NPAT: variants seen among roughly 807,000 people sequenced by gnomAD.
The protein encoded by NPAT is protein NPAT.
NPAT carries 52 observed loss-of-function variants against 130.7 expected under a neutral mutation model. The observed-to-expected ratio is 0.40, with a 90% CI of 0.32 to 0.50. The LOEUF is 0.50. Ranked by LOEUF, NPAT falls within the 20% of genes least tolerant of loss-of-function variation. The pLI is 0.68. For missense variants in NPAT, 1,687 were observed against 1,662.6 expected, an observed-to-expected ratio of 1.01 and a Z score of -0.26; for synonymous variants, 580 against 584.8, an observed-to-expected ratio of 0.99 and a Z score of 0.12.
chr11:108,222,597 G>C lies in NPAT; in HGVS notation c.-61C>G, dbSNP rs960127392. 100 of 1,578,280 alleles carry C rather than the reference G, an allele frequency of 6.3e-5. No homozygotes were observed. The highest frequency in any genetic ancestry group is 8.3e-5 in the Non-Finnish European group (95 of 1,150,918). On this transcript the variant is annotated 5_prime_UTR_variant, in exon 1 of 18. Coordinates refer to ENST00000278612, the MANE Select transcript of NPAT (RefSeq NM_002519.3). Reference sequence around the variant, plus strand: ...AGACTCAGGTTAAAGCAAACACAGCGACAGCTCCTGCGCCGCATCTCCTGG... The same window carrying C: ...AGACTCAGGTTAAAGCAAACACAGCCACAGCTCCTGCGCCGCATCTCCTGG...
chr11:108,173,501 G>C lies in NPAT; in HGVS notation c.1483C>G (p.Pro495Ala). Residue 495 changes from proline (P) to alanine (A), a missense_variant, in exon 13 of 18, where the codon CCG (proline) becomes GCG (alanine). Physicochemically the swap from Pro to Ala is conservative, Grantham distance 27. Around this residue, in one of 3 missense-constraint regions of NPAT, gnomAD observed 1,379 missense variants for 1,346.6 expected, o/e 1.02. Transcript: ENST00000278612. ...TCAGGCTGTAACTGAGATTCACTCG[G>C]TACATTTGAAGACAAAGAGTTCTTT... The part of the protein sequence containing the change: ...IEKNSLSSNV[P>A]SESQLQPDQP... The C allele has an allele frequency of 6.2e-7, 1 of 1,614,096 alleles. No homozygotes were observed. The highest frequency in any genetic ancestry group is 1.1e-5 in the South Asian group (1 of 91,082).
Position 108,159,108 on chromosome 11 carries a change from T to G in NPAT, c.4207-89A>C, listed in dbSNP as rs1478702321. ...ACCTAAAACAGTATATTGGGTTCTTTCACATACTACTAAAATTGTCAAACT... is the reference window on the plus strand; with the variant it reads ...ACCTAAAACAGTATATTGGGTTCTTGCACATACTACTAAAATTGTCAAACT... On this transcript the variant is annotated intron_variant, in intron 17 of 17. Coordinates refer to ENST00000278612, the MANE Select transcript of NPAT (RefSeq NM_002519.3). 5 of 768,274 alleles carry G rather than the reference T, an allele frequency of 6.5e-6. No homozygotes were observed. In the African/African-American group the frequency reaches 6.9e-5, roughly 11 times the overall value. 47.6% of individuals were successfully genotyped at this position (768,274 alleles called of 1,614,324 possible). A position where few individuals can be genotyped will look rare whatever the true frequency, so the allele number is the denominator to read the frequency against.
At chr11:108,191,364 T>A (rs539833898) in intron 4 of NPAT, among the ~76,000 whole-genome samples, 1 of 152,312 alleles carries the variant, frequency 6.6e-6, no homozygotes, top group South Asian at 2.1e-4. Context: ...TCTTTTAGTA[T>A]GAATTAGAGT....
intron 10 of NPAT, among the ~76,000 whole-genome samples, chr11:108,184,582 G>A (rs528120573): frequency 6.6e-6 from 1 of 151,928 alleles, no homozygotes; most frequent in African/African-American, 2.4e-5. Flanking sequence ...CCAGGCTGGA[G>A]AGCAGTGGTG....
rs982108886 is a variant in NPAT, at chr11:108,176,905, C to T, written c.1003+89G>A. 8.5e-5 allele frequency: 68 copies of T among 804,178 alleles called. No homozygotes were observed. In the Middle Eastern group the frequency reaches 2.0e-3, roughly 23 times the overall value. The allele number at this position is 804,178 out of a possible 1,614,324, so 49.8% of individuals were successfully genotyped here. On this transcript the variant is annotated intron_variant, in intron 11 of 17. Coordinates refer to ENST00000278612, the MANE Select transcript of NPAT (RefSeq NM_002519.3). Reference sequence around the variant, plus strand: ...ATGAAAACAAGAACTTTTTTAGATACTCTGGGGAATGTTGATTCACTCTGG... The same window carrying T: ...ATGAAAACAAGAACTTTTTTAGATATTCTGGGGAATGTTGATTCACTCTGG...
chr11:108,210,431 T>G (rs1415842750), intron 1 of NPAT, among the ~76,000 whole-genome samples: 1 of 152,174 alleles, frequency 6.6e-6, no homozygotes, highest in Non-Finnish European at 1.5e-5. Context: ...CTTTCTCTCT[T>G]GCTCTCACTC....
intron 15 of NPAT, among the ~76,000 whole-genome samples, chr11:108,164,406 T>C (rs1381195344): frequency 6.6e-6 from 1 of 152,176 alleles, no homozygotes; most frequent in African/African-American, 2.4e-5. Context: ...AGCTAGTGGC[T>C]ATGTAGAAGA....
chr11:108,165,095 T>C (rs2077888776), intron 15 of NPAT, among the ~76,000 whole-genome samples: 1 of 152,034 alleles, frequency 6.6e-6, no homozygotes, highest in Admixed American at 6.6e-5. Context: ...CATGGGCATT[T>C]TGTCATTCAC....
At chr11:108,164,060 A>C (rs1424700022) in intron 15 of NPAT, among the ~76,000 whole-genome samples, 1 of 152,230 alleles carries the variant, frequency 6.6e-6, no homozygotes, top group Non-Finnish European at 1.5e-5. Context: ...TTAAGAAAGA[A>C]GGATGATTTT....
chr11:108,158,977 C>G lies in NPAT; in HGVS notation c.4249G>C (p.Asp1417His). The part of the protein sequence containing the change: ...PSSFPAGMDV[D>H]KFLLSLHYDE Reference sequence around the variant, plus strand: ...TAATGCAATGATAACAAAAATTTGTCTACATCCATTCCTGCTGGAAATGAA... The same window carrying G: ...TAATGCAATGATAACAAAAATTTGTGTACATCCATTCCTGCTGGAAATGAA... Residue 1417 changes from aspartate to histidine, a missense_variant, in exon 18 of 18, where the codon GAC becomes CAC. This residue lies in a region of NPAT where 1,379 missense variants were observed against 1,346.6 expected (regional missense o/e 1.02). Transcript: ENST00000278612. 1 of 1,608,562 alleles carries G rather than the reference C, an allele frequency of 6.2e-7. No individual in the cohort carries two copies. The highest frequency in any genetic ancestry group is 8.5e-7 in the Non-Finnish European group (1 of 1,177,430).
intron 7 of NPAT, 56 bp downstream of exon 7, chr11:108,188,042 C>CTTTTT: frequency 9.5e-7 from 1 of 1,050,086 alleles, no homozygotes; most frequent in South Asian, 1.3e-5. Flanking sequence ...TGATGTAATT[C>CTTTTT]TTTTTTTTTT....
At chr11:108,212,191 T>A (rs953642935) in intron 1 of NPAT, among the ~76,000 whole-genome samples, 2 of 151,972 alleles carry the variant, frequency 1.3e-5, no homozygotes, top group East Asian at 3.9e-4. Context: ...CAACATTGCA[T>A]GTATCCTCTA....
chr11:108,211,133 T>C (rs2078379775), intron 1 of NPAT, among the ~76,000 whole-genome samples: 1 of 152,006 alleles, frequency 6.6e-6, no homozygotes, highest in African/African-American at 2.4e-5. Flanking sequence ...ACAGAATCGC[T>C]TGAACCAGGG....
intron 6 of NPAT, among the ~76,000 whole-genome samples, chr11:108,188,580 C>T (rs763260947): frequency 1.3e-5 from 2 of 152,120 alleles, no homozygotes; most frequent in Non-Finnish European, 2.9e-5. Flanking sequence ...ATTCTAATCC[C>T]AACTCTGTTA....
At position 108,222,633 on chromosome 11, in the gene NPAT, G is replaced by A. The variant is rs865795034; in HGVS notation, c.-97C>T. 1.9e-5 allele frequency: 26 copies of A among 1,346,270 alleles called. No homozygotes were observed. Among genetic ancestry groups the A allele is most frequent in the Non-Finnish European group, 2.7e-5 (26 of 951,866 alleles). 83.4% of individuals were successfully genotyped at this position (1,346,270 alleles called of 1,614,324 possible). On this transcript the variant is annotated 5_prime_UTR_variant, in exon 1 of 18. Transcript: ENST00000278612. The stretch of plus-strand genomic sequence containing the variant: ...CGCCGCATCTCCTGGTTCCAGTGGC[G>A]GCACTGAACTCGCGGCAATTTGTCC...
At chr11:108,185,787 G>A (rs2078101812) in intron 8 of NPAT, among the ~76,000 whole-genome samples, 2 of 152,208 alleles carry the variant, frequency 1.3e-5, no homozygotes, top group Admixed American at 1.3e-4. Context: ...CTGGAGTACA[G>A]TGGCACAATC....
chr11:108,185,297 G>A lies in NPAT; in HGVS notation c.841C>T (p.Pro281Ser), dbSNP rs774084436. The A allele has an allele frequency of 3.7e-6, 6 of 1,611,472 alleles. No homozygotes were observed. The East Asian group carries it at 1.1e-4, about 30-fold the overall frequency. ...LTSDNNIAQVPKQTDNNPTEP... is the reference protein window; with the variant it reads ...LTSDNNIAQVSKQTDNNPTEP... ...GTAGGGTTGTTATCTGTTTGCTTAG[G>A]TACTTGGGCAATATTGTTATCACTG... Residue 281 changes from proline (P) to serine (S), a missense_variant, in exon 10 of 18, where the codon CCT becomes TCT. Around this residue, in one of 3 missense-constraint regions of NPAT, gnomAD observed 1,379 missense variants for 1,346.6 expected, o/e 1.02. Transcript: ENST00000278612.
At chr11:108,209,018 G>A (rs547745776) in intron 1 of NPAT, among the ~76,000 whole-genome samples, 86 of 152,318 alleles carry the variant, frequency 5.6e-4, no homozygotes, top group African/African-American at 2.0e-3. Context: ...GGTGGCTCAC[G>A]CCTGTAATCC....
intron 1 of NPAT, among the ~76,000 whole-genome samples, chr11:108,211,571 C>G (rs904271986): frequency 6.7e-6 from 1 of 148,968 alleles, no homozygotes; most frequent in Non-Finnish European, 1.5e-5. Flanking sequence ...AAATCCTTAA[C>G]AAAATACTAG....
Sources: allele counts gnomAD v4.1 joint callset (sites outside exome capture counted in the v4.1 genomes callset), GRCh38; gene constraint gnomAD v4.1.1; regional missense constraint gnomAD v4.1.1; transcripts MANE v1.5; gene names NCBI Gene and HGNC (gene_info 2026-07-23, HGNC 2026-07-21).